The following RELN variants were observed in gnomAD, a reference collection of about 807,000 sequenced individuals.
RELN encodes the protein reelin.
In RELN, 108 loss-of-function variants were observed where a neutral mutation model predicts 427.6. That is an observed-to-expected ratio of 0.25 (90% CI 0.22 to 0.30). RELN has a LOEUF of 0.30. Among genes scored for constraint, RELN ranks in the 10% least tolerant of loss-of-function variants. The pLI is 1.00. For synonymous variants in RELN, 1,524 were observed against 1,513.4 expected (o/e 1.01, Z -0.16); for missense variants, 3,715 against 4,302.8 (o/e 0.86, Z 3.82).
intron 61 of RELN, 92 bp from the exon 62 acceptor site, chr7:103,483,942 T>G (rs1330053022): frequency 7.9e-7 from 1 of 1,262,374 alleles, no homozygotes; most frequent in East Asian, 2.5e-5. Flanking sequence ...TACAGTGGTG[T>G]GATCTCGGCT....
intron 11 of RELN, among the ~76,000 whole-genome samples, chr7:103,666,654 C>A (rs183662276): frequency 7.2e-5 from 11 of 152,236 alleles, no homozygotes; most frequent in Admixed American, 6.5e-4. Context: ...AATATTTTTA[C>A]AAAGGGGTTC....
chr7:103,938,946 T>C lies in RELN; in HGVS notation c.227-21761A>G, dbSNP rs78634994. Among the ~76,000 whole-genome samples, 191 of 152,106 alleles carry C rather than the reference T, an allele frequency of 1.3e-3. 2 individuals carry two copies. The East Asian group carries it at 0.031, about 25-fold the overall frequency. On this transcript the variant is annotated intron_variant, in intron 1 of 64. Transcript: ENST00000428762. ...CATTCTCCTAAAGTTTTATAAGCTTTTTTTTTTTTCTCTGAAACAGAATTT... is the reference window on the plus strand; with the variant it reads ...CATTCTCCTAAAGTTTTATAAGCTTCTTTTTTTTTCTCTGAAACAGAATTT...
chr7:103,525,751 C>T (rs1285155397), intron 46 of RELN, among the ~76,000 whole-genome samples: 2 of 151,244 alleles, frequency 1.3e-5, no homozygotes, highest in Non-Finnish European at 2.9e-5. Context: ...CTCTGTATCC[C>T]TTAGGGAATA....
At chr7:103,663,852 G>A (rs1484311479) in intron 11 of RELN, among the ~76,000 whole-genome samples, 2 of 152,168 alleles carry the variant, frequency 1.3e-5, no homozygotes, top group Non-Finnish European at 2.9e-5. Context: ...AGGTTTTCAG[G>A]TTTAGATCTC....
intron 1 of RELN, among the ~76,000 whole-genome samples, chr7:103,979,267 A>G (rs1429444586): frequency 1.3e-5 from 2 of 152,244 alleles, no homozygotes; most frequent in African/African-American, 4.8e-5. Context: ...TATAATGGTG[A>G]CAAATCAAGA....
chr7:103,952,524 C>T (rs1455994149), intron 1 of RELN, among the ~76,000 whole-genome samples: 3 of 150,486 alleles, frequency 2.0e-5, no homozygotes, highest in African/African-American at 7.4e-5. Context: ...CTTAAACACA[C>T]ACACACACAT....
intron 1 of RELN, among the ~76,000 whole-genome samples, chr7:103,929,529 C>T (rs1795815734): frequency 6.6e-6 from 1 of 152,128 alleles, no homozygotes. Context: ...ACTGATCATA[C>T]ATAGTTTTAT....
At chr7:103,503,909 A>C (rs1322766174) in intron 51 of RELN, among the ~76,000 whole-genome samples, 1 of 151,396 alleles carries the variant, frequency 6.6e-6, no homozygotes, top group African/African-American at 2.4e-5. Context: ...AAAAAAAAAA[A>C]AAAAAAAAAC....
rs199745274 is a variant in RELN at position 103,682,514 on chromosome 7, G to GA, written c.1144-254dup. On this transcript the variant is annotated intron_variant, in intron 10 of 64. Coordinates refer to ENST00000428762, the MANE Select transcript of RELN (RefSeq NM_005045.4). ...GCTTTGCCATCTCTGTCTTCAGTAT[G>GA]AAACAAGAGTATTTCAATTGGAATA... 9.9e-5 allele frequency among the ~76,000 whole-genome samples: 15 copies of GA among 152,258 alleles called. No individual in the cohort carries two copies. The East Asian group carries it at 2.9e-3, about 29-fold the overall frequency.
At chr7:103,809,147 T>C (rs553934121) in intron 3 of RELN, among the ~76,000 whole-genome samples, 6 of 152,246 alleles carry the variant, frequency 3.9e-5, no homozygotes, top group South Asian at 4.1e-4. Context: ...CTGAGGAGCA[T>C]TGCCTTTCCA....
intron 20 of RELN, among the ~76,000 whole-genome samples, chr7:103,616,288 A>G (rs1832077167): frequency 6.6e-6 from 1 of 152,166 alleles, no homozygotes; most frequent in Non-Finnish European, 1.5e-5. Context: ...ACCATTCAGA[A>G]GTTATATTCA....
At position 103,540,298 on chromosome 7, in the gene RELN, C is replaced by A. The variant is rs1171322289; in HGVS notation, c.6829G>T (p.Ala2277Ser). The change falls in exon 44 of 65, where the codon GCC (alanine) becomes TCC (serine). Residue 2277 changes from alanine to serine, a missense_variant. Ala to Ser is a moderately conservative substitution (Grantham distance 99). Transcript: ENST00000428762. Reference sequence around the variant, plus strand: ...CGGGCTTTCAAGGGTATCTCCAGGGCAATGTACCTGCCCACATTGCTGGAA... The same window carrying A: ...CGGGCTTTCAAGGGTATCTCCAGGGAAATGTACCTGCCCACATTGCTGGAA... ...SNSSNVGRYI[A>S]LEIPLKARSG... The A allele has an allele frequency of 2.5e-6, 4 of 1,614,192 alleles. No homozygotes were observed. The highest frequency in any genetic ancestry group is 1.1e-5 in the South Asian group (1 of 91,080).
intron 2 of RELN, among the ~76,000 whole-genome samples, chr7:103,843,377 G>A (rs928140764): frequency 6.6e-6 from 1 of 152,040 alleles, no homozygotes; most frequent in African/African-American, 2.4e-5. Flanking sequence ...GTAAGACTCA[G>A]TAGATTTAAG....
At chr7:103,946,321 G>A (rs1796219729) in intron 1 of RELN, among the ~76,000 whole-genome samples, 1 of 152,010 alleles carries the variant, frequency 6.6e-6, no homozygotes, top group African/African-American at 2.4e-5. Context: ...AGATAACTAT[G>A]GCTTAAAATG....
chr7:103,577,558 C>CA (rs11323336), intron 28 of RELN, among the ~76,000 whole-genome samples: 4,144 of 113,532 alleles, frequency 0.037, 181 homozygotes, highest in African/African-American at 0.13. Flanking sequence ...AAAGCAAAAG[C>CA]AAAAAAAAAA....
intron 51 of RELN, among the ~76,000 whole-genome samples, chr7:103,510,537 G>A (rs1202586652): frequency 1.3e-5 from 2 of 152,040 alleles, no homozygotes; most frequent in Non-Finnish European, 2.9e-5. Flanking sequence ...TGTAGATGAC[G>A]GTTTGATGGG....
chr7:103,508,223 C>G (rs1478424844), intron 51 of RELN, among the ~76,000 whole-genome samples: 1 of 152,130 alleles, frequency 6.6e-6, no homozygotes, highest in Admixed American at 6.6e-5. Flanking sequence ...CTGGCAGAGA[C>G]ACCACAAAAA....
intron 48 of RELN, 38 bp downstream of exon 48, chr7:103,521,981 TAAG>T (rs765392247): frequency 4.0e-5 from 65 of 1,604,960 alleles, no homozygotes; most frequent in Non-Finnish European, 5.4e-5. Context: ...GGAAGGAACT[TAAG>T]AAGAGCAGAA....
At chr7:103,906,486 G>T (rs1323701139) in intron 2 of RELN, among the ~76,000 whole-genome samples, 1 of 152,070 alleles carries the variant, frequency 6.6e-6, no homozygotes, top group Non-Finnish European at 1.5e-5. Flanking sequence ...TGAAAAGTAA[G>T]CCTAAAATAG....
Sources: allele counts gnomAD v4.1 joint callset (sites outside exome capture counted in the v4.1 genomes callset), GRCh38; gene constraint gnomAD v4.1.1; transcripts MANE v1.5; gene names NCBI Gene and HGNC (gene_info 2026-07-23, HGNC 2026-07-21).